Variants in CHD9 observed in about 807,000 individuals in gnomAD.
CHD9 encodes the protein chromodomain helicase DNA binding protein 9.
CHD9 carries 77 observed loss-of-function variants against 316.1 expected under a neutral mutation model. The observed-to-expected ratio is 0.24, with a 90% CI of 0.20 to 0.29. The LOEUF is 0.29. Ranked by LOEUF, CHD9 falls within the 10% of genes least tolerant of loss-of-function variation. The pLI, the probability that CHD9 is intolerant of heterozygous loss-of-function variation, is 1.00. For missense variants in CHD9, 2,763 were observed against 3,438.1 expected (o/e 0.80, Z 4.91); for synonymous variants, 1,129 against 1,158.3 (o/e 0.97, Z 0.51).
At chr16:53,228,072 G>A (rs1027205578) in intron 7 of CHD9, among the ~76,000 whole-genome samples, 4 of 150,916 alleles carry the variant, frequency 2.7e-5, no homozygotes, top group African/African-American at 4.9e-5. Flanking sequence ...GCGACAGAGC[G>A]AGACTCCGTC....
At position 53,324,190 on chromosome 16, in the gene CHD9, A is replaced by G. The variant is rs999874392; in HGVS notation, c.7989A>G (p.Leu2663=). The change falls in exon 39 of 39, where the codon CTA becomes CTG. Residue 2663 remains leucine (L), a synonymous_variant. Coordinates refer to ENST00000447540, the MANE Select transcript of CHD9 (RefSeq NM_001308319.2). ...GCAATCCTTTGTTAGCCAATGGACT[A>G]CTTCCAGGTGTGGATCTCACAACTC... ...VSGNPLLANG[L]LPGVDLTTLQ... is the part of the protein sequence containing the mutation. The G allele has an allele frequency of 3.8e-5, 61 of 1,613,914 alleles. No homozygotes were observed. The highest frequency in any genetic ancestry group is 6.7e-5 in the Admixed American group (4 of 60,006).
intron 2 of CHD9, among the ~76,000 whole-genome samples, chr16:53,199,188 G>C (rs1473480131): frequency 1.3e-5 from 2 of 151,982 alleles, no homozygotes; most frequent in African/African-American, 4.8e-5. Context: ...ACTGAAAACT[G>C]TTACAGTCAT....
intron 22 of CHD9, among the ~76,000 whole-genome samples, chr16:53,269,600 A>C (rs2052034254): frequency 6.6e-6 from 1 of 152,208 alleles, no homozygotes; most frequent in South Asian, 2.1e-4. Flanking sequence ...TAATGTGAAG[A>C]CCTGACTTCT....
intron 2 of CHD9, among the ~76,000 whole-genome samples, chr16:53,200,617 T>A (rs1279244927): frequency 8.5e-5 from 13 of 152,140 alleles, no homozygotes; most frequent in Non-Finnish European, 1.5e-5. Context: ...AATAGAAACT[T>A]TCCATTAGGC....
chr16:53,171,372 TCACGC>T (rs1317075502), intron 2 of CHD9, among the ~76,000 whole-genome samples: 1 of 151,804 alleles, frequency 6.6e-6, no homozygotes, highest in Non-Finnish European at 1.5e-5. Context: ...TGATCCGAGA[TCACGC>T]CACTGCACTC....
At chr16:53,058,948 C>G (rs1412099450) in intron 1 of CHD9, among the ~76,000 whole-genome samples, 1 of 152,180 alleles carries the variant, frequency 6.6e-6, no homozygotes, top group Non-Finnish European at 1.5e-5. Flanking sequence ...GCCTCAACCT[C>G]CTGAGCTCGA....
At chr16:53,243,123 A>G in intron 13 of CHD9, 107 bp downstream of exon 13, 3 of 685,030 alleles carry the variant, frequency 4.4e-6, no homozygotes, top group Non-Finnish European at 6.9e-6. Flanking sequence ...AGAGTGTAGT[A>G]CATCTGAATC....
chr16:53,163,360 G>A (rs1307337813), intron 2 of CHD9, among the ~76,000 whole-genome samples: 1 of 152,054 alleles, frequency 6.6e-6, no homozygotes, highest in Non-Finnish European at 1.5e-5. Context: ...ACAGGAATGC[G>A]CCACCACGCC....
At chr16:53,109,521 G>A (rs938292608) in intron 1 of CHD9, among the ~76,000 whole-genome samples, 2 of 151,048 alleles carry the variant, frequency 1.3e-5, no homozygotes, top group African/African-American at 2.4e-5. Flanking sequence ...TTCTAGTAGA[G>A]ACAGGGTTTC....
intron 29 of CHD9, among the ~76,000 whole-genome samples, chr16:53,294,917 TAA>T (rs2054642070): frequency 6.6e-6 from 1 of 152,232 alleles, no homozygotes; most frequent in African/African-American, 2.4e-5. Flanking sequence ...GTTAAGTTCT[TAA>T]GCCTAAGTTT....
chr16:53,237,346 G>A (rs1347176618), intron 11 of CHD9, among the ~76,000 whole-genome samples: 1 of 152,036 alleles, frequency 6.6e-6, no homozygotes, highest in Non-Finnish European at 1.5e-5. Flanking sequence ...CTCAGTTACT[G>A]TCCCAACTTC....
chr16:53,295,056 C>T (rs1316586401), intron 29 of CHD9, among the ~76,000 whole-genome samples: 2 of 152,142 alleles, frequency 1.3e-5, no homozygotes, highest in African/African-American at 4.8e-5. Context: ...TCACCTGGAA[C>T]ACCCTTTCTA....
intron 9 of CHD9, 58 bp from the exon 10 acceptor site, chr16:53,231,589 T>C (rs2048178830): frequency 2.1e-6 from 3 of 1,418,174 alleles, no homozygotes; most frequent in Non-Finnish European, 2.9e-6. Context: ...ATTCTCTGTT[T>C]AAACTATTTC....
intron 1 of CHD9, among the ~76,000 whole-genome samples, chr16:53,090,930 A>ATGCAGGGATAAGTCT (rs1209384900): frequency 3.1e-5 from 1 of 32,462 alleles, no homozygotes; most frequent in East Asian, 1.5e-3. Flanking sequence ...CCTGCCCACC[A>ATGCAGGGATAAGTCT]TGCTCTCACA....
chr16:53,164,960 C>G (rs747341299), intron 2 of CHD9, among the ~76,000 whole-genome samples: 2 of 152,074 alleles, frequency 1.3e-5, no homozygotes, highest in Non-Finnish European at 2.9e-5. Flanking sequence ...CAGCCATGTT[C>G]TGACATTTTT....
At chr16:53,058,854 G>T (rs2032504823) in intron 1 of CHD9, among the ~76,000 whole-genome samples, 1 of 151,126 alleles carries the variant, frequency 6.6e-6, no homozygotes, top group South Asian at 2.1e-4. Context: ...GTTGGTTTTT[G>T]GTTTCTTTTG....
chr16:53,286,098 C>A, intron 25 of CHD9, 128 bp from the exon 26 acceptor site: 4 of 549,874 alleles, frequency 7.3e-6, no homozygotes, highest in South Asian at 2.8e-5. Flanking sequence ...CATACTTAAC[C>A]TATATCATTT....
chr16:53,240,698 T>C (rs1474526053), intron 12 of CHD9, among the ~76,000 whole-genome samples: 1 of 152,122 alleles, frequency 6.6e-6, no homozygotes, highest in Non-Finnish European at 1.5e-5. Context: ...AAAATTTTTC[T>C]AAATTGCCCT....
intron 1 of CHD9, among the ~76,000 whole-genome samples, chr16:53,074,620 G>A (rs1435565906): frequency 6.6e-6 from 1 of 152,214 alleles, no homozygotes; most frequent in African/African-American, 2.4e-5. Context: ...GGGTGAAAGG[G>A]GTCAATGTAG....
Sources: gnomAD v4.1 joint callset for allele counts (sites outside exome capture counted in the v4.1 genomes callset) on GRCh38, gnomAD v4.1.1 for gene constraint, MANE v1.5 for transcripts, NCBI Gene and HGNC (gene_info 2026-07-23, HGNC 2026-07-21) for gene names.